The following DAPK2 variants were observed in gnomAD, a reference collection of about 807,000 sequenced individuals.
DAPK2 encodes the protein death-associated protein kinase 2.
A neutral mutation model predicts 44.1 loss-of-function variants in DAPK2; 35 were observed. The ratio of observed to expected loss-of-function variants is 0.79; its 90% CI spans 0.61 to 1.05. DAPK2 has a LOEUF of 1.05. Among genes scored for constraint, DAPK2 ranks in the 50% least tolerant of loss-of-function variants. The pLI is 0.00. For synonymous variants in DAPK2, 174 were observed against 182.6 expected, an observed-to-expected ratio of 0.95 and a Z score of 0.38; for missense variants, 453 against 483.2, an observed-to-expected ratio of 0.94 and a Z score of 0.59.
chr15:63,930,600 C>G (rs929811989), intron 4 of DAPK2, 145 bp from the exon 6 acceptor site: 7 of 747,006 alleles, frequency 9.4e-6, no homozygotes, highest in Non-Finnish European at 1.6e-5. Flanking sequence ...TGATCTGCAT[C>G]TAAGATTCTG....
rs916190879 is a variant in DAPK2, at chr15:63,966,461, C to T, written c.453+4962G>A. 1.3e-5 allele frequency among the ~76,000 whole-genome samples: 2 copies of T among 152,196 alleles called. No homozygotes were observed. Among genetic ancestry groups the T allele is most frequent in the Non-Finnish European group, 2.9e-5 (2 of 68,018 alleles). ...CTGATGTCTCACTAGGTGTACCCTC[C>T]AAGTCCTCTGGCTCCAAGCACAGCA... On this transcript the variant is annotated intron_variant, in intron 3 of 10. Transcript: ENST00000261891. This position sits in a 1 kb window ranked among gnomAD's most constrained non-coding sequence, Gnocchi z 5.5.
Position 63,917,917 on chromosome 15 carries a change from A to G in DAPK2, c.859-5720T>C, listed in dbSNP as rs1323128579. 6.6e-6 allele frequency: 1 copy of G among 152,144 alleles called. No individual in the cohort carries two copies. Among genetic ancestry groups the G allele is most frequent in the Non-Finnish European group, 1.5e-5 (1 of 68,040 alleles). 9.4% of individuals were successfully genotyped at this position (152,144 alleles called of 1,614,324 possible). On this transcript the variant is annotated intron_variant, in intron 8 of 10. Transcript: ENST00000261891. This position sits in a 1 kb window ranked among gnomAD's most constrained non-coding sequence, Gnocchi z 4.4. ...TCACTCACCATAGCTTTTCCAATCTAGTTGGCTGGGTCCCCATCTGCCCCA... is the reference window on the plus strand; with the variant it reads ...TCACTCACCATAGCTTTTCCAATCTGGTTGGCTGGGTCCCCATCTGCCCCA...
In DAPK2 at chr15:64,037,221, G is replaced by A. The variant is rs1248937588; in HGVS notation, c.92+2949C>T. On this transcript the variant is annotated intron_variant, in intron 1 of 10. Coordinates refer to ENST00000261891, the Ensembl canonical transcript of DAPK2. ...ACCCATGCCCCCAGCCTCATGTAAC[G>A]CTGCTTGCCCCGGCCTGCTTTCCAA... Among the ~76,000 whole-genome samples the A allele has an allele frequency of 3.3e-5, 5 of 152,104 alleles. No homozygotes were observed. In the South Asian group the frequency reaches 6.2e-4, roughly 19 times the overall value.
chr15:63,963,069 C>T (rs1189189181), intron 3 of DAPK2, among the ~76,000 whole-genome samples: 1 of 152,156 alleles, frequency 6.6e-6, no homozygotes, highest in African/African-American at 2.4e-5. Flanking sequence ...CCTCCCCAAG[C>T]CTTGCTCCCA....
rs536995450 is a variant in DAPK2 at position 64,046,301 on chromosome 15, G to A, written c.-10C>T. The A allele has an allele frequency of 1.2e-3, 1,169 of 974,350 alleles. 15 individuals carry two copies. In the African/African-American group the frequency reaches 0.02, roughly 16 times the overall value. The allele number at this position is 974,350 out of a possible 1,614,324, so 60.4% of individuals were successfully genotyped here. The stretch of plus-strand genomic sequence containing the variant: ...CCCGCAGACGGGTGCTACTCACGGC[G>A]GGAGGCTGAGCTGCCGCGGTCGCGG... On this transcript the variant is annotated 5_prime_UTR_variant, in exon 1 of 12. Coordinates refer to the DAPK2 transcript ENST00000457488. The surrounding 1 kb of genome is among the most constrained non-coding windows in gnomAD (Gnocchi z 5.3).
chr15:63,927,329 T>C (rs901948268), intron 6 of DAPK2, among the ~76,000 whole-genome samples: 10 of 152,184 alleles, frequency 6.6e-5, no homozygotes, highest in African/African-American at 2.4e-4. Context: ...CAGCCACACT[T>C]AAGGTTTACC....
At chr15:64,001,796 T>C (rs1006215425) in intron 1 of DAPK2, among the ~76,000 whole-genome samples, 1 of 152,172 alleles carries the variant, frequency 6.6e-6, no homozygotes, top group Non-Finnish European at 1.5e-5. Flanking sequence ...GTGATCCACA[T>C]ACACATTAAA....
intron 4 of DAPK2, among the ~76,000 whole-genome samples, chr15:63,937,189 G>A (rs963512931): frequency 2.0e-5 from 3 of 152,060 alleles, no homozygotes; most frequent in Non-Finnish European, 4.4e-5. Flanking sequence ...CCAAGAGGTT[G>A]GAGAAGTCAT....
chr15:63,957,895 T>A (rs535824903), intron 3 of DAPK2, among the ~76,000 whole-genome samples: 54 of 152,292 alleles, frequency 3.5e-4, no homozygotes, highest in African/African-American at 1.3e-3. Context: ...CTGGGTCAAA[T>A]GGTATTTCTA....
chr15:63,968,857 C>T (rs1372729076), intron 3 of DAPK2, among the ~76,000 whole-genome samples: 1 of 152,216 alleles, frequency 6.6e-6, no homozygotes, highest in Non-Finnish European at 1.5e-5. Flanking sequence ...GCTCCAGCCA[C>T]TCCTCCTACC....
chr15:64,042,193 T>G (rs1479071442), upstream of DAPK2, among the ~76,000 whole-genome samples: 1 of 152,130 alleles, frequency 6.6e-6, no homozygotes, highest in Non-Finnish European at 1.5e-5. The surrounding 1 kb of genome is among the most constrained non-coding windows in gnomAD (Gnocchi z 4.7). Context: ...ATAAGAAAGA[T>G]GATTATTACT....
chr15:64,000,043 C>T (rs1280676187), intron 1 of DAPK2, among the ~76,000 whole-genome samples: 1 of 152,114 alleles, frequency 6.6e-6, no homozygotes, highest in Admixed American at 6.5e-5. Context: ...GCATTACAGG[C>T]ATGAGCCACC....
At chr15:63,958,495 T>A (rs1443238997) in intron 3 of DAPK2, among the ~76,000 whole-genome samples, 7 of 152,226 alleles carry the variant, frequency 4.6e-5, no homozygotes. Flanking sequence ...AGGTCTAACA[T>A]TTAAGTCTTT....
intron 1 of DAPK2, among the ~76,000 whole-genome samples, chr15:64,012,243 G>C (rs1028945045): frequency 6.6e-6 from 1 of 152,214 alleles, no homozygotes; most frequent in African/African-American, 2.4e-5. Flanking sequence ...CGGGATGGGA[G>C]AACATCCACT....
intron 6 of DAPK2, among the ~76,000 whole-genome samples, chr15:63,928,091 C>T (rs1238479938): frequency 6.6e-6 from 1 of 152,178 alleles, no homozygotes. Context: ...AACATCAGAC[C>T]GTTCTGGCTC....
chr15:63,929,542 G>T lies in DAPK2; in HGVS notation c.659+9C>A, dbSNP rs1484991403. The T allele has an allele frequency of 5.6e-6, 9 of 1,614,026 alleles. No individual in the cohort carries two copies. The highest frequency in any genetic ancestry group is 2.2e-5 in the East Asian group (1 of 44,896). ...GCTGAGCCAGAGCCCCTGGATCAGGGATACTCACAGGATGTAGGTGATGAC... is the reference window on the plus strand; with the variant it reads ...GCTGAGCCAGAGCCCCTGGATCAGGTATACTCACAGGATGTAGGTGATGAC... On this transcript the variant is annotated intron_variant, in intron 6 of 10. Transcript: ENST00000261891.
intron 3 of DAPK2, among the ~76,000 whole-genome samples, chr15:63,950,721 G>C (rs1430231124): frequency 1.3e-5 from 2 of 152,276 alleles, no homozygotes; most frequent in South Asian, 4.1e-4. Context: ...CACTGGCTAA[G>C]TTCAAGTCTC....
rs71131201 is a variant in DAPK2 at position 64,030,979 on chromosome 15, T to TACACACACAC, written c.92+9181_92+9190dup. On this transcript the variant is annotated intron_variant, in intron 1 of 10. Coordinates refer to ENST00000261891, the Ensembl canonical transcript of DAPK2. ...AAGACCCTGTCTCAAAATACACACA[T>TACACACACAC]ACACACACACACACACACACACACA... 8.6e-3 allele frequency among the ~76,000 whole-genome samples: 1,203 copies of TACACACACAC among 140,242 alleles called. 16 individuals are homozygous for TACACACACAC. Among genetic ancestry groups the TACACACACAC allele is most frequent in the African/African-American group, 0.016 (597 of 37,210 alleles). 92.0% of individuals were successfully genotyped at this position (140,242 alleles called of 152,430 possible). A position where few individuals can be genotyped will look rare whatever the true frequency, so the allele number is the denominator to read the frequency against.
intron 2 of DAPK2, among the ~76,000 whole-genome samples, chr15:63,981,271 G>A (rs1417665639): frequency 1.3e-5 from 2 of 152,188 alleles, no homozygotes; most frequent in Non-Finnish European, 2.9e-5. Flanking sequence ...TGCCTTGGGG[G>A]ACTCTGTAGA....
Sources: gnomAD v4.1 joint callset for allele counts (sites outside exome capture counted in the v4.1 genomes callset) on GRCh38, gnomAD v4.1.1 for gene constraint, Gnocchi (gnomAD v3.1) non-coding constraint, MANE v1.5 for transcripts, NCBI Gene and HGNC (gene_info 2026-07-23, HGNC 2026-07-21) for gene names.